MBOAT1: variants seen among roughly 807,000 people sequenced by gnomAD.
MBOAT1 encodes the protein membrane bound glycerophospholipid O-acyltransferase 1.
In MBOAT1, 67 loss-of-function variants were observed where a neutral mutation model predicts 64.4. The observed-to-expected ratio is 1.04, with a 90% CI of 0.85 to 1.27. The LOEUF (loss-of-function observed/expected upper bound fraction) is 1.27, where lower values mean the gene tolerates loss of function less well. Among genes scored for constraint, MBOAT1 ranks in the 50% most tolerant of loss-of-function variants. The pLI, the probability that MBOAT1 is intolerant of heterozygous loss-of-function variation, is 0.00. For synonymous variants in MBOAT1, 229 were observed against 218.9 expected (o/e 1.05, Z -0.41); for missense variants, 563 against 604.6 (o/e 0.93, Z 0.72).
chr6:20,138,469 C>A (rs1272941348), intron 4 of MBOAT1, among the ~76,000 whole-genome samples: 1 of 152,206 alleles, frequency 6.6e-6, no homozygotes, highest in Non-Finnish European at 1.5e-5. Context: ...TTGACAGGAA[C>A]TGATTTCCAT....
intron 1 of MBOAT1, among the ~76,000 whole-genome samples, chr6:20,201,633 T>G (rs1483557922): frequency 6.6e-6 from 1 of 150,512 alleles, no homozygotes; most frequent in Non-Finnish European, 1.5e-5. Flanking sequence ...CAGGCTGGAG[T>G]GCAGTGGCGT....
chr6:20,200,704 G>A (rs1366731724), intron 1 of MBOAT1, among the ~76,000 whole-genome samples: 1 of 152,052 alleles, frequency 6.6e-6, no homozygotes, highest in African/African-American at 2.4e-5. Flanking sequence ...CATATTCCTG[G>A]GGAATGTGAG....
chr6:20,171,019 T>C (rs1016651602), intron 1 of MBOAT1, among the ~76,000 whole-genome samples: 1 of 152,104 alleles, frequency 6.6e-6, no homozygotes, highest in Admixed American at 6.6e-5. Context: ...GAACAGGTAA[T>C]AAAGGCCTTG....
chr6:20,189,338 A>G (rs898611081), intron 1 of MBOAT1, among the ~76,000 whole-genome samples: 27 of 152,240 alleles, frequency 1.8e-4, no homozygotes, highest in African/African-American at 6.0e-4. Flanking sequence ...TACCATATGT[A>G]TTACCTCACA....
intron 6 of MBOAT1, 83 bp downstream of exon 6, chr6:20,128,616 A>C: frequency 1.1e-6 from 1 of 925,956 alleles, no homozygotes. Flanking sequence ...AACAGAATTA[A>C]TGTGTAGATA....
At chr6:20,166,357 G>C (rs558243398) in intron 1 of MBOAT1, among the ~76,000 whole-genome samples, 1 of 151,992 alleles carries the variant, frequency 6.6e-6, no homozygotes, top group African/African-American at 2.4e-5. Context: ...GGGAAAATAC[G>C]GAAGGAACAT....
chr6:20,207,161 A>C (rs953438210), intron 1 of MBOAT1, among the ~76,000 whole-genome samples: 2 of 152,354 alleles, frequency 1.3e-5, no homozygotes, highest in Middle Eastern at 3.4e-3. Flanking sequence ...CAGCTCATTC[A>C]ATTGACCTTG....
intron 1 of MBOAT1, among the ~76,000 whole-genome samples, chr6:20,160,992 C>T (rs1183768437): frequency 1.3e-5 from 2 of 152,180 alleles, no homozygotes; most frequent in East Asian, 3.9e-4. Flanking sequence ...TCCCAACCCC[C>T]CGGGCCACAG....
At chr6:20,137,355 A>G (rs1581415157) in intron 4 of MBOAT1, among the ~76,000 whole-genome samples, 1 of 152,184 alleles carries the variant, frequency 6.6e-6, no homozygotes, top group African/African-American at 2.4e-5. Context: ...GGGCCCTCCA[A>G]AGAAAACTCG....
At chr6:20,124,700 T>C (rs1177573283) in intron 7 of MBOAT1, 100 bp from the exon 8 acceptor site, 3 of 1,045,112 alleles carry the variant, frequency 2.9e-6, no homozygotes, top group Non-Finnish European at 4.2e-6. Context: ...CTCCAACAGC[T>C]GCTTGGCATT....
At chr6:20,152,354 T>A (rs9350216) in intron 2 of MBOAT1, among the ~76,000 whole-genome samples, 1,042 of 52,674 alleles carry the variant, frequency 0.02, 13 homozygotes, top group South Asian at 0.046. Context: ...AATAAATAAA[T>A]AAATAAATAA....
intron 3 of MBOAT1, among the ~76,000 whole-genome samples, chr6:20,150,644 C>T (rs1256244812): frequency 2.0e-5 from 3 of 150,230 alleles, no homozygotes; most frequent in Admixed American, 6.6e-5. Flanking sequence ...CCCACTGCAA[C>T]CTCTGCCTCC....
chr6:20,124,147 G>A (rs1303598649), intron 8 of MBOAT1, among the ~76,000 whole-genome samples: 1 of 152,158 alleles, frequency 6.6e-6, no homozygotes, highest in Non-Finnish European at 1.5e-5. Context: ...AGAAGGAGAA[G>A]CTTCCAAGTT....
chr6:20,144,503 C>A (rs540779299), intron 3 of MBOAT1, among the ~76,000 whole-genome samples, 188 bp from the exon 4 acceptor site: 22 of 152,308 alleles, frequency 1.4e-4, no homozygotes, highest in Admixed American at 1.2e-3. Flanking sequence ...CTCACCTGGA[C>A]CACTACATTG....
At chr6:20,181,188 C>T (rs1198435789) in intron 1 of MBOAT1, among the ~76,000 whole-genome samples, 1 of 152,126 alleles carries the variant, frequency 6.6e-6, no homozygotes, top group Non-Finnish European at 1.5e-5. Flanking sequence ...GCCACAACTT[C>T]GACTGTTATG....
At chr6:20,168,630 AGAGAAGAGAAGAGAG>A (rs1179755156) in intron 1 of MBOAT1, among the ~76,000 whole-genome samples, 4 of 50,404 alleles carry the variant, frequency 7.9e-5, no homozygotes, top group Admixed American at 2.1e-4. Flanking sequence ...AGAGAAGAGA[AGAGAAGAGAAGAGAG>A]GAGAGGAGAG....
At chr6:20,115,392 A>T (rs1418537166) in intron 9 of MBOAT1, 40 bp from the exon 10 acceptor site, 1 of 1,522,138 alleles carries the variant, frequency 6.6e-7, no homozygotes, top group South Asian at 1.1e-5. Flanking sequence ...AGCTTTAAAA[A>T]TACCCGAAGT....
chr6:20,179,158 T>C (rs971848912), intron 1 of MBOAT1, among the ~76,000 whole-genome samples: 1 of 151,716 alleles, frequency 6.6e-6, no homozygotes, highest in African/African-American at 2.4e-5. Context: ...CTATCTCATT[T>C]AATCTTTGCA....
chr6:20,149,212 C>T (rs1388696590), intron 3 of MBOAT1, among the ~76,000 whole-genome samples: 4 of 152,024 alleles, frequency 2.6e-5, no homozygotes, highest in Non-Finnish European at 4.4e-5. Flanking sequence ...GTGGTGGCAC[C>T]GTCATACCCT....
Sources: gnomAD v4.1 joint callset for allele counts (sites outside exome capture counted in the v4.1 genomes callset) on GRCh38, gnomAD v4.1.1 for gene constraint, MANE v1.5 for transcripts, NCBI Gene and HGNC (gene_info 2026-07-23, HGNC 2026-07-21) for gene names.